The following SOS2 variants were observed in gnomAD, a reference collection of about 807,000 sequenced individuals.
The protein encoded by SOS2 is son of sevenless homolog 2.
SOS2 carries 65 observed loss-of-function variants against 148.2 expected under a neutral mutation model. The ratio of observed to expected loss-of-function variants is 0.44; its 90% CI spans 0.36 to 0.54. The LOEUF is 0.54. Among genes scored for constraint, SOS2 ranks in the 20% least tolerant of loss-of-function variants. The probability of loss-of-function intolerance (pLI) is 0.00; values close to 1 mark genes in which losing one functional copy is unlikely to be tolerated. For synonymous variants in SOS2, 539 were observed against 537.1 expected, an observed-to-expected ratio of 1.00 and a Z score of -0.05; for missense variants, 1,341 against 1,590.2, an observed-to-expected ratio of 0.84 and a Z score of 2.67.
In SOS2 at chr14:50,192,123, G is replaced by C. The variant is rs570946519; in HGVS notation, c.511-3423C>G. Among the ~76,000 whole-genome samples the C allele has an allele frequency of 2.3e-5, 3 of 128,294 alleles. No homozygotes were observed. In the East Asian group the frequency reaches 7.6e-4, roughly 33 times the overall value. The allele number at this position is 128,294 out of a possible 152,430, so 84.2% of individuals were successfully genotyped here. A position where few individuals can be genotyped will look rare whatever the true frequency, so the allele number is the denominator to read the frequency against. ...GCCGTGTTCACACCACCGTACTCCG[G>C]CTTAGGTGAGTCCTTGTCACAAAAA... On this transcript the variant is annotated intron_variant, in intron 4 of 22. Coordinates refer to ENST00000216373, the MANE Select transcript of SOS2 (RefSeq NM_006939.4).
intron 4 of SOS2, among the ~76,000 whole-genome samples, chr14:50,194,671 G>C (rs998244161): frequency 3.3e-5 from 5 of 151,020 alleles, no homozygotes; most frequent in Non-Finnish European, 7.4e-5. Flanking sequence ...CCAGCTACTT[G>C]AGAGGCTGAG....
chr14:50,181,721 C>G (rs971054662), intron 6 of SOS2, among the ~76,000 whole-genome samples: 1 of 151,784 alleles, frequency 6.6e-6, no homozygotes, highest in Non-Finnish European at 1.5e-5. Flanking sequence ...CACATACATT[C>G]GTATGTATGC....
rs912333154 is a variant in SOS2 at position 50,219,668 on chromosome 14, A to T, written c.87+11529T>A. Among the ~76,000 whole-genome samples, 34 of 152,202 alleles carry T rather than the reference A, an allele frequency of 2.2e-4. 1 individual carries two copies. The highest frequency in any genetic ancestry group is 2.2e-3 in the Admixed American group (34 of 15,270). On this transcript the variant is annotated intron_variant, in intron 1 of 22. Transcript: ENST00000216373. ...GAAAACATCAAATTGTACATTGTAA[A>T]TATATGTACTGTAAATATATACTTT...
At chr14:50,194,324 T>C (rs1886248628) in intron 4 of SOS2, among the ~76,000 whole-genome samples, 1 of 152,068 alleles carries the variant, frequency 6.6e-6, no homozygotes, top group Admixed American at 6.6e-5. Context: ...TGTTGACCCA[T>C]GAATTAAATA....
At chr14:50,227,244 T>TC (rs1887406184) in intron 1 of SOS2, among the ~76,000 whole-genome samples, 1 of 30,206 alleles carries the variant, frequency 3.3e-5, no homozygotes, top group South Asian at 7.0e-4. Context: ...TCTTTCTTTC[T>TC]TTCTTTTTTT....
chr14:50,145,251 A>G lies in SOS2; in HGVS notation c.2586T>C (p.Asp862=), dbSNP rs1594969928. The change falls in exon 16 of 23, where the codon GAT becomes GAC. Residue 862 remains aspartate, a synonymous_variant. Transcript: ENST00000216373. ...CCAATACGCCATTGAAATTATTCAA[A>G]TCTTGAAAAACTTGCAGAATTTCTA... ...RIIEILQVFQ[D]LNNFNGVLEI... is the part of the protein sequence containing the mutation. 3 of 1,612,442 alleles carry G rather than the reference A, an allele frequency of 1.9e-6. No individual in the cohort carries two copies. Among genetic ancestry groups the G allele is most frequent in the Non-Finnish European group, 2.5e-6 (3 of 1,178,780 alleles).
At chr14:50,155,368 A>G (rs539801339) in intron 12 of SOS2, among the ~76,000 whole-genome samples, 7 of 152,096 alleles carry the variant, frequency 4.6e-5, no homozygotes, top group Non-Finnish European at 7.4e-5. Flanking sequence ...TCTCAGGTCA[A>G]TGTCCTTATC....
chr14:50,134,842 G>A (rs970981015), intron 18 of SOS2, among the ~76,000 whole-genome samples: 16 of 152,020 alleles, frequency 1.1e-4, no homozygotes, highest in African/African-American at 3.9e-4. Context: ...GGGAGGCTGA[G>A]GTGGGTGGAT....
At chr14:50,214,826 G>GTTTC (rs1371001640) in intron 1 of SOS2, among the ~76,000 whole-genome samples, 1 of 147,538 alleles carries the variant, frequency 6.8e-6, no homozygotes, top group Non-Finnish European at 1.5e-5. Context: ...AGGCAAGGTT[G>GTTTC]TTTCTTTCTT....
intron 19 of SOS2, 128 bp from the exon 20 acceptor site, chr14:50,130,890 T>A: frequency 1.5e-6 from 1 of 688,394 alleles, no homozygotes; most frequent in African/African-American, 1.8e-5. Context: ...AGTCCTTCAG[T>A]CTGCAATGAC....
chr14:50,155,792 T>C (rs1259860901), intron 12 of SOS2: 2 of 152,122 alleles, frequency 1.3e-5, no homozygotes, highest in Non-Finnish European at 2.9e-5. Flanking sequence ...ACGAAGATTA[T>C]ACTCCCACCC....
intron 18 of SOS2, among the ~76,000 whole-genome samples, chr14:50,134,829 T>G (rs1163382268): frequency 6.6e-6 from 1 of 151,938 alleles, no homozygotes. Flanking sequence ...ATCCCACCAC[T>G]TTGGGAGGCT....
At position 50,200,935 on chromosome 14, in the gene SOS2, T is replaced by C. The variant is rs926155444; in HGVS notation, c.345+18A>G. On this transcript the variant is annotated intron_variant, in intron 3 of 22. Transcript: ENST00000216373. Reference sequence around the variant, plus strand: ...GTTATAAAGAACACCCCCCAACTAATGTTTAATCTTTTGTTACCTTCAACG... The same window carrying C: ...GTTATAAAGAACACCCCCCAACTAACGTTTAATCTTTTGTTACCTTCAACG... 1 of 1,611,136 alleles carries C rather than the reference T, an allele frequency of 6.2e-7. No homozygotes were observed. The highest frequency in any genetic ancestry group is 1.3e-5 in the African/African-American group (1 of 74,834).
intron 12 of SOS2, among the ~76,000 whole-genome samples, chr14:50,154,034 G>C (rs1251285988): frequency 6.6e-6 from 1 of 151,974 alleles, no homozygotes; most frequent in African/African-American, 2.4e-5. Context: ...ACCTTGCAAA[G>C]AGAGATTTAA....
intron 12 of SOS2, among the ~76,000 whole-genome samples, chr14:50,153,613 ATTTC>A (rs1884729844): frequency 6.6e-6 from 1 of 151,980 alleles, no homozygotes; most frequent in Non-Finnish European, 1.5e-5. Context: ...CTATCATCAA[ATTTC>A]TTTCTTTTTT....
rs768766517 is a variant in SOS2, at chr14:50,172,419, C to CTTTTTTTTTTTTTTTTTTTTTT, written c.1068+2034_1068+2035insAAAAAAAAAAAAAAAAAAAAAA. On this transcript the variant is annotated intron_variant, in intron 8 of 22. Coordinates refer to ENST00000216373, the MANE Select transcript of SOS2 (RefSeq NM_006939.4). Reference sequence around the variant, plus strand: ...ATGGGTAGTTTCTCTTTATTCATTCCTTTTTTTTTTTTTTCTGAGATGGAG... The same window carrying CTTTTTTTTTTTTTTTTTTTTTT: ...ATGGGTAGTTTCTCTTTATTCATTCCTTTTTTTTTTTTTTTTTTTTTTTTTTTTTTTTTTTTCTGAGATGGAG... Among the ~76,000 whole-genome samples the CTTTTTTTTTTTTTTTTTTTTTT allele has an allele frequency of 6.0e-5, 5 of 82,766 alleles. 2 individuals carry two copies. Among genetic ancestry groups the CTTTTTTTTTTTTTTTTTTTTTT allele is most frequent in the African/African-American group, 5.0e-5 (1 of 19,852 alleles). The allele number at this position is 82,766 out of a possible 152,430, so 54.3% of individuals were successfully genotyped here. A position where few individuals can be genotyped will look rare whatever the true frequency, so the allele number is the denominator to read the frequency against.
Position 50,192,556 on chromosome 14 carries a change from T to TA in SOS2, c.511-3857dup, listed in dbSNP as rs201886830. ...GGGCGAAAGAGCAAGACCTTGTCTTTAAAAAAAAACAAAAACAAAAACAAA... is the reference window on the plus strand; with the variant it reads ...GGGCGAAAGAGCAAGACCTTGTCTTTAAAAAAAAAACAAAAACAAAAACAAA... On this transcript the variant is annotated intron_variant, in intron 4 of 22. Coordinates refer to ENST00000216373, the MANE Select transcript of SOS2 (RefSeq NM_006939.4). Among the ~76,000 whole-genome samples, 349 of 145,808 alleles carry TA rather than the reference T, an allele frequency of 2.4e-3. 1 individual carries two copies. The South Asian group carries it at 0.031, about 13-fold the overall frequency.
Position 50,118,805 on chromosome 14 carries a change from G to C in SOS2, c.3538C>G (p.Pro1180Ala). ...CTGGGTTTTACCTTTGGAGGAGGAG[G>C]CTGTCTCGGTGGAATAGCAGGAGGA... ...DDPPAIPPRQPPPPKVKPRVP... is the reference protein window; with the variant it reads ...DDPPAIPPRQAPPPKVKPRVP... The change falls in exon 23 of 23, where the codon CCT becomes GCT. Residue 1180 changes from proline (P) to alanine (A), a missense_variant. Coordinates refer to ENST00000216373, the MANE Select transcript of SOS2 (RefSeq NM_006939.4). 6.4e-7 allele frequency: 1 copy of C among 1,554,220 alleles called. No individual in the cohort carries two copies. Among genetic ancestry groups the C allele is most frequent in the Non-Finnish European group, 8.7e-7 (1 of 1,144,608 alleles).
Position 50,197,248 on chromosome 14 carries a change from A to T in SOS2, c.510+2443T>A, listed in dbSNP as rs369246016. 2.8e-4 allele frequency among the ~76,000 whole-genome samples: 42 copies of T among 152,304 alleles called. 1 individual carries two copies. The East Asian group carries it at 7.7e-3, about 28-fold the overall frequency. On this transcript the variant is annotated intron_variant, in intron 4 of 22. Coordinates refer to ENST00000216373, the MANE Select transcript of SOS2 (RefSeq NM_006939.4). The stretch of plus-strand genomic sequence containing the variant: ...AAATTTGAGTGTGATAAAGAATAAG[A>T]TACACAGTTTCAAAGTACTCCACAA...
Sources: gnomAD v4.1 joint callset for allele counts (sites outside exome capture counted in the v4.1 genomes callset) on GRCh38, gnomAD v4.1.1 for gene constraint, MANE v1.5 for transcripts, NCBI Gene and HGNC (gene_info 2026-07-23, HGNC 2026-07-21) for gene names.